Variants in FAM78B observed in about 807,000 individuals in gnomAD.
FAM78B encodes the protein family with sequence similarity 78 member B.
Under a neutral mutation model 20.0 loss-of-function variants are expected in FAM78B, and 10 were observed. That is an observed-to-expected ratio of 0.50 (90% CI 0.31 to 0.85). The LOEUF (loss-of-function observed/expected upper bound fraction) is 0.85, where lower values mean the gene tolerates loss of function less well. FAM78B is among the 40% of genes least tolerant of loss of function. The pLI is 0.05. For missense variants in FAM78B, 283 were observed against 345.0 expected (o/e 0.82, Z 1.42); for synonymous variants, 135 against 132.8 (o/e 1.02, Z -0.12).
chr1:166,123,908 G>A (rs1002434131), intron 1 of FAM78B, among the ~76,000 whole-genome samples: 1 of 152,192 alleles, frequency 6.6e-6, no homozygotes, highest in Non-Finnish European at 1.5e-5. Flanking sequence ...GATAATTATT[G>A]CGGCCAGTAG....
intron 1 of FAM78B, among the ~76,000 whole-genome samples, chr1:166,162,338 A>T (rs967933231): frequency 2.0e-5 from 3 of 152,202 alleles, no homozygotes; most frequent in Non-Finnish European, 4.4e-5. Context: ...CTGAGCTATG[A>T]CTTCCTAAAG....
At position 166,157,044 on chromosome 1, in the gene FAM78B, G is replaced by C. The variant is rs372312644; in HGVS notation, c.263+8942C>G. Among the ~76,000 whole-genome samples the C allele has an allele frequency of 4.3e-4, 44 of 103,074 alleles. 4 individuals carry two copies. The South Asian group carries it at 0.012, about 29-fold the overall frequency. 67.6% of individuals were successfully genotyped at this position (103,074 alleles called of 152,430 possible). A position where few individuals can be genotyped will look rare whatever the true frequency, so the allele number is the denominator to read the frequency against. ...CGTCAAGGGGGCGGCGGAGGGGGGG[G>C]GGGGGCTCCAATGCCTTCCTCTGAG... On this transcript the variant is annotated intron_variant, in intron 1 of 1. Coordinates refer to ENST00000354422, the MANE Select transcript of FAM78B (RefSeq NM_001017961.5).
intron 1 of FAM78B, among the ~76,000 whole-genome samples, chr1:166,106,853 C>G (rs555715507): frequency 6.6e-6 from 1 of 152,172 alleles, no homozygotes; most frequent in Non-Finnish European, 1.5e-5. Flanking sequence ...GAAACTTGCA[C>G]ATGTACCCCC....
intron 1 of FAM78B, among the ~76,000 whole-genome samples, chr1:166,133,123 T>A (rs534173262): frequency 6.6e-6 from 1 of 152,220 alleles, no homozygotes; most frequent in East Asian, 1.9e-4. Context: ...AATAGCAGAG[T>A]GGCCCTGCTT....
chr1:166,119,147 C>A (rs1480685639), intron 1 of FAM78B, among the ~76,000 whole-genome samples: 1 of 152,164 alleles, frequency 6.6e-6, no homozygotes, highest in Non-Finnish European at 1.5e-5. Flanking sequence ...TTTGGCTCCC[C>A]AAGTCTCTCT....
chr1:166,126,203 C>T (rs980759129), intron 1 of FAM78B, among the ~76,000 whole-genome samples: 2 of 152,042 alleles, frequency 1.3e-5, no homozygotes, highest in East Asian at 3.8e-4. Context: ...GGATGCAGAA[C>T]CAATGGATAC....
At chr1:166,155,351 G>A (rs905590593) in intron 1 of FAM78B, among the ~76,000 whole-genome samples, 3 of 152,166 alleles carry the variant, frequency 2.0e-5, no homozygotes, top group Admixed American at 1.3e-4. Flanking sequence ...GTAATGCTGG[G>A]CATGTTATCC....
chr1:166,086,298 G>A (rs1477964736), intron 1 of FAM78B, among the ~76,000 whole-genome samples: 1 of 152,132 alleles, frequency 6.6e-6, no homozygotes, highest in African/African-American at 2.4e-5. Context: ...ACAGCACAGG[G>A]TTTCCTCATA....
chr1:166,141,209 C>T (rs1021083938), intron 1 of FAM78B, among the ~76,000 whole-genome samples: 1 of 152,194 alleles, frequency 6.6e-6, no homozygotes, highest in Non-Finnish European at 1.5e-5. Flanking sequence ...CAGCAATGTG[C>T]AACGTACATA....
intron 1 of FAM78B, among the ~76,000 whole-genome samples, chr1:166,133,091 C>T (rs983098455): frequency 5.9e-5 from 9 of 152,276 alleles, no homozygotes; most frequent in African/African-American, 1.9e-4. Context: ...CTTGGCAGGG[C>T]AAGGAGATTG....
chr1:166,114,658 G>A (rs569593203), intron 1 of FAM78B, among the ~76,000 whole-genome samples: 1 of 152,326 alleles, frequency 6.6e-6, no homozygotes, highest in South Asian at 2.1e-4. Flanking sequence ...AGTGGGAGTA[G>A]GGAGGAGGTG....
chr1:166,148,383 G>C (rs747749641), intron 1 of FAM78B, among the ~76,000 whole-genome samples: 2 of 152,184 alleles, frequency 1.3e-5, no homozygotes, highest in South Asian at 2.1e-4. Context: ...ATGATGGTAG[G>C]CAGAGGCCTA....
At chr1:166,066,212 AT>A (rs1286825728), downstream of FAM78B, among the ~76,000 whole-genome samples, 2 of 152,160 alleles carry the variant, frequency 1.3e-5, no homozygotes, top group East Asian at 3.9e-4. Flanking sequence ...AGGAGAGCAG[AT>A]TTCCTACTCC....
At chr1:166,128,051 GA>G (rs1490319954) in intron 1 of FAM78B, among the ~76,000 whole-genome samples, 1 of 152,176 alleles carries the variant, frequency 6.6e-6, no homozygotes, top group Non-Finnish European at 1.5e-5. Flanking sequence ...AGGAGCACTG[GA>G]AAACTTATAG....
chr1:166,130,375 A>T (rs1479785853), intron 1 of FAM78B, among the ~76,000 whole-genome samples: 1 of 152,254 alleles, frequency 6.6e-6, no homozygotes, highest in Non-Finnish European at 1.5e-5. Flanking sequence ...CTGGAATGCC[A>T]GAGAAGGAGG....
At chr1:166,138,635 G>C (rs1655163915) in intron 1 of FAM78B, among the ~76,000 whole-genome samples, 1 of 152,202 alleles carries the variant, frequency 6.6e-6, no homozygotes, top group African/African-American at 2.4e-5. Flanking sequence ...GCAGCCACTG[G>C]AAGCAGATTT....
intron 1 of FAM78B, among the ~76,000 whole-genome samples, chr1:166,149,177 G>A (rs2101796380): frequency 6.6e-6 from 1 of 152,270 alleles, no homozygotes; most frequent in African/African-American, 2.4e-5. Flanking sequence ...GGATGGCTGG[G>A]TCAAATGGTA....
intron 1 of FAM78B, among the ~76,000 whole-genome samples, chr1:166,133,577 T>G (rs1197689844): frequency 6.8e-6 from 1 of 147,050 alleles, no homozygotes; most frequent in East Asian, 2.0e-4. Flanking sequence ...TTAAATAATA[T>G]TAATCTGTAA....
chr1:166,121,335 C>G (rs892867150), intron 1 of FAM78B, among the ~76,000 whole-genome samples: 1 of 152,152 alleles, frequency 6.6e-6, no homozygotes, highest in Admixed American at 6.5e-5. Context: ...TCACCTCGGT[C>G]ACTCTTGGAC....
Sources: allele counts gnomAD v4.1 joint callset (sites outside exome capture counted in the v4.1 genomes callset), GRCh38; gene constraint gnomAD v4.1.1; transcripts MANE v1.5; gene names NCBI Gene and HGNC (gene_info 2026-07-23, HGNC 2026-07-21).